ITGA9: variants seen among roughly 807,000 people sequenced by gnomAD.
The protein encoded by ITGA9 is integrin alpha-9.
ITGA9 carries 56 observed loss-of-function variants against 127.8 expected under a neutral mutation model. The observed-to-expected ratio is 0.44, with a 90% CI of 0.35 to 0.55. The LOEUF is 0.55. ITGA9 is among the 20% of genes least tolerant of loss of function. The pLI, the probability that ITGA9 is intolerant of heterozygous loss-of-function variation, is 0.00. For synonymous variants in ITGA9, 508 were observed against 514.5 expected (o/e 0.99, Z 0.17); for missense variants, 1,196 against 1,347.1 (o/e 0.89, Z 1.76).
intron 15 of ITGA9, among the ~76,000 whole-genome samples, chr3:37,601,320 T>C (rs2125620742): frequency 6.6e-6 from 1 of 152,240 alleles, no homozygotes; most frequent in Admixed American, 6.5e-5. Context: ...AAGGGTGCAA[T>C]GTGAACAGAA....
chr3:37,661,086 A>G (rs1700528583), intron 17 of ITGA9, among the ~76,000 whole-genome samples: 1 of 152,228 alleles, frequency 6.6e-6, no homozygotes, highest in African/African-American at 2.4e-5. Context: ...AAAGCCACAC[A>G]GCAAAGGGCC....
rs1293809485 is a variant in ITGA9 at position 37,508,515 on chromosome 3, C to A, written c.829-44C>A. 3.3e-6 allele frequency: 5 copies of A among 1,504,744 alleles called. No homozygotes were observed. The South Asian group carries it at 4.5e-5, about 14-fold the overall frequency. 93.2% of individuals were successfully genotyped at this position (1,504,744 alleles called of 1,614,324 possible). The stretch of plus-strand genomic sequence containing the variant: ...GAGAGTGCTGATAAATATCTTTGAT[C>A]ATTGATTTCATCCTAACTAGATTTT... On this transcript the variant is annotated intron_variant, in intron 7 of 27. Transcript: ENST00000264741.
chr3:37,772,220 A>G (rs1189002951), intron 23 of ITGA9, among the ~76,000 whole-genome samples: 1 of 152,142 alleles, frequency 6.6e-6, no homozygotes, highest in Non-Finnish European at 1.5e-5. Flanking sequence ...AGCCTGACCA[A>G]TATGGTGAAA....
At chr3:37,568,434 G>A (rs545893883) in intron 15 of ITGA9, among the ~76,000 whole-genome samples, 1 of 152,276 alleles carries the variant, frequency 6.6e-6, no homozygotes, top group Admixed American at 6.5e-5. Context: ...TTAACATTTG[G>A]CTCCTCAGTA....
At chr3:37,591,315 T>C (rs1017808275) in intron 15 of ITGA9, among the ~76,000 whole-genome samples, 2 of 152,254 alleles carry the variant, frequency 1.3e-5, no homozygotes, top group African/African-American at 4.8e-5. Context: ...CATTTTCATA[T>C]TCAGTTTAGA....
chr3:37,689,743 T>A (rs1186145275), intron 18 of ITGA9, among the ~76,000 whole-genome samples: 1 of 152,258 alleles, frequency 6.6e-6, no homozygotes, highest in Non-Finnish European at 1.5e-5. Flanking sequence ...TCTATGGCCC[T>A]GGAGTCAAGG....
intron 4 of ITGA9, among the ~76,000 whole-genome samples, chr3:37,482,092 G>C (rs1427961694): frequency 1.3e-5 from 2 of 152,206 alleles, no homozygotes; most frequent in Non-Finnish European, 2.9e-5. Flanking sequence ...TGGCTGCACT[G>C]TGGACAGATG....
chr3:37,736,523 A>G (rs1193131463), intron 19 of ITGA9, among the ~76,000 whole-genome samples: 1 of 152,200 alleles, frequency 6.6e-6, no homozygotes, highest in African/African-American at 2.4e-5. Flanking sequence ...GTTCTTTTAA[A>G]ACAATCTTTA....
intron 18 of ITGA9, among the ~76,000 whole-genome samples, chr3:37,693,319 G>A (rs1443158265): frequency 6.6e-6 from 1 of 152,172 alleles, no homozygotes; most frequent in Non-Finnish European, 1.5e-5. Context: ...TGTTTCTAAG[G>A]AGTATAATTT....
intron 25 of ITGA9, among the ~76,000 whole-genome samples, chr3:37,782,301 A>C (rs193267825): frequency 6.6e-6 from 1 of 152,356 alleles, no homozygotes; most frequent in East Asian, 1.9e-4. Context: ...CTCAACCCAG[A>C]TGGCTGCTGC....
At chr3:37,525,975 T>C (rs1313278620) in intron 12 of ITGA9, 51 bp from the exon 13 acceptor site, 1 of 1,548,632 alleles carries the variant, frequency 6.5e-7, no homozygotes, top group East Asian at 2.2e-5. Flanking sequence ...AGGGCGCGGT[T>C]GTGTATGGGC....
At position 37,728,051 on chromosome 3, in the gene ITGA9, G is replaced by A. The variant is rs111735117; in HGVS notation, c.2068-4661G>A. The stretch of plus-strand genomic sequence containing the variant: ...ATCAGATGTCTGCACTAGCAGTCAG[G>A]GACATTAGATAGACAGTTTGCTCAC... On this transcript the variant is annotated intron_variant, in intron 18 of 27. Coordinates refer to ENST00000264741, the MANE Select transcript of ITGA9 (RefSeq NM_002207.3). Among the ~76,000 whole-genome samples, 530 of 152,330 alleles carry A rather than the reference G, an allele frequency of 3.5e-3. 2 individuals carry two copies. Among genetic ancestry groups the A allele is most frequent in the Non-Finnish European group, 5.6e-3 (382 of 68,042 alleles).
At chr3:37,568,184 C>T (rs1309195765) in intron 15 of ITGA9, among the ~76,000 whole-genome samples, 2 of 152,238 alleles carry the variant, frequency 1.3e-5, no homozygotes, top group Non-Finnish European at 2.9e-5. Flanking sequence ...TGCAAGCTGC[C>T]AAGGCTTGGG....
chr3:37,561,611 C>T (rs973360214), intron 15 of ITGA9, among the ~76,000 whole-genome samples: 8 of 152,350 alleles, frequency 5.3e-5, no homozygotes, highest in South Asian at 2.1e-4. Context: ...ATGGTGATGA[C>T]GGCCTGCAAA....
At chr3:37,695,379 T>G (rs941652226) in intron 18 of ITGA9, among the ~76,000 whole-genome samples, 1 of 152,232 alleles carries the variant, frequency 6.6e-6, no homozygotes, top group Non-Finnish European at 1.5e-5. Context: ...CTTCAACTGG[T>G]TTCCTTCTTG....
chr3:37,818,821 C>T (rs1163034044), intron 27 of ITGA9, 70 bp from the exon 28 acceptor site: 10 of 1,170,976 alleles, frequency 8.5e-6, no homozygotes, highest in Non-Finnish European at 1.3e-5. Context: ...CAGGGACAGA[C>T]TGCCTTGGGG....
At chr3:37,779,816 T>C (rs545014621) in intron 24 of ITGA9, 86 bp from the exon 25 acceptor site, 1 of 1,363,842 alleles carries the variant, frequency 7.3e-7, no homozygotes, top group Admixed American at 1.7e-5. Flanking sequence ...AGTCACCAAG[T>C]TCATGGAGCC....
At chr3:37,616,215 G>A (rs1462580082) in intron 15 of ITGA9, among the ~76,000 whole-genome samples, 2 of 151,994 alleles carry the variant, frequency 1.3e-5, no homozygotes, top group Admixed American at 1.3e-4. Flanking sequence ...CCTTCATTTT[G>A]TTATGTACCC....
intron 26 of ITGA9, among the ~76,000 whole-genome samples, chr3:37,802,068 G>T (rs1697241672): frequency 2.0e-5 from 3 of 152,138 alleles, no homozygotes; most frequent in Admixed American, 2.0e-4. Context: ...CAGATTTGGG[G>T]GTTTGGGGTT....
Sources: gnomAD v4.1 joint callset for allele counts (sites outside exome capture counted in the v4.1 genomes callset) on GRCh38, gnomAD v4.1.1 for gene constraint, MANE v1.5 for transcripts, NCBI Gene and HGNC (gene_info 2026-07-23, HGNC 2026-07-21) for gene names.